The following PRKN variants were observed in gnomAD, a reference collection of about 807,000 sequenced individuals.
PRKN encodes E3 ubiquitin-protein ligase parkin.
A neutral mutation model predicts 59.5 loss-of-function variants in PRKN; 56 were observed. The ratio of observed to expected loss-of-function variants is 0.94; its 90% confidence interval spans 0.76 to 1.18. The LOEUF (loss-of-function observed/expected upper bound fraction) is 1.18, where lower values mean the gene tolerates loss of function less well. PRKN is among the 50% of genes most tolerant of loss of function. PRKN has a pLI of 0.00. For missense variants in PRKN, 657 were observed against 596.4 expected (o/e 1.10, Z -1.06); for synonymous variants, 250 against 222.1 (o/e 1.13, Z -1.12).
intron 6 of PRKN, among the ~76,000 whole-genome samples, chr6:161,868,205 ATT>A (rs1359425615): frequency 6.6e-6 from 1 of 152,064 alleles, no homozygotes; most frequent in East Asian, 1.9e-4. Context: ...CTAGCTACCA[ATT>A]TACTATTGTT....
chr6:162,130,470 T>G (rs998299202), intron 4 of PRKN, among the ~76,000 whole-genome samples: 1 of 152,194 alleles, frequency 6.6e-6, no homozygotes, highest in South Asian at 2.1e-4. Flanking sequence ...GTTAAATCAA[T>G]GTGCATCAGA....
intron 7 of PRKN, among the ~76,000 whole-genome samples, chr6:161,785,523 C>G (rs1247390153): frequency 1.3e-5 from 2 of 152,162 alleles, no homozygotes; most frequent in African/African-American, 2.4e-5. Context: ...TATACCTTGG[C>G]TGAATAATAT....
intron 2 of PRKN, among the ~76,000 whole-genome samples, chr6:162,333,191 T>A (rs560418779): frequency 3.3e-4 from 50 of 152,054 alleles, no homozygotes; most frequent in Non-Finnish European, 5.9e-4. Flanking sequence ...ACTCTCTTTT[T>A]ATAAAAAATA....
chr6:162,403,763 T>C (rs1050990398), intron 2 of PRKN, among the ~76,000 whole-genome samples: 1 of 152,058 alleles, frequency 6.6e-6, no homozygotes, highest in African/African-American at 2.4e-5. Flanking sequence ...GAGTGGGGAG[T>C]GACACAAGTC....
intron 7 of PRKN, among the ~76,000 whole-genome samples, chr6:161,670,104 T>C (rs905690559): frequency 6.6e-5 from 10 of 152,048 alleles, no homozygotes; most frequent in Non-Finnish European, 7.4e-5. Context: ...CATAACTTCT[T>C]TTCTGTTTTG....
rs576027959 is a variant in PRKN at position 161,707,888 on chromosome 6, C to T, written c.871+77884G>A. On this transcript the variant is annotated intron_variant, in intron 7 of 11. Coordinates refer to ENST00000366898, the MANE Select transcript of PRKN (RefSeq NM_004562.3). ...GAATCCAAAAGGACTCTGTTGGTTACTGGCTCTTAACATTTATAGATTAGA... is the reference window on the plus strand; with the variant it reads ...GAATCCAAAAGGACTCTGTTGGTTATTGGCTCTTAACATTTATAGATTAGA... Among the ~76,000 whole-genome samples, 8 of 152,258 alleles carry T rather than the reference C, an allele frequency of 5.3e-5. No individual in the cohort carries two copies. In the South Asian group the frequency reaches 1.7e-3, roughly 32 times the overall value.
chr6:162,470,952 G>A (rs770944126), intron 1 of PRKN, among the ~76,000 whole-genome samples: 3 of 151,678 alleles, frequency 2.0e-5, no homozygotes, highest in African/African-American at 4.8e-5. Context: ...GGGGTGGGGC[G>A]GTTTCACCAT....
At position 161,354,798 on chromosome 6, in the gene PRKN, T is replaced by C. The variant is rs1784688641; in HGVS notation, c.1286-4587A>G. Among the ~76,000 whole-genome samples the C allele has an allele frequency of 6.6e-6, 1 of 152,168 alleles. No homozygotes were observed. The highest frequency in any genetic ancestry group is 2.4e-5 in the African/African-American group (1 of 41,436). On this transcript the variant is annotated intron_variant, in intron 11 of 11. Coordinates refer to ENST00000366898, the MANE Select transcript of PRKN (RefSeq NM_004562.3). The surrounding 1 kb of genome is among the most constrained non-coding windows in gnomAD (Gnocchi z 6.7). ...TAGGCCATCGCTAATAAGCTTCAAGTCTCAGCTTTTCTGTTTGTAAGTTAA... is the reference window on the plus strand; with the variant it reads ...TAGGCCATCGCTAATAAGCTTCAAGCCTCAGCTTTTCTGTTTGTAAGTTAA...
At chr6:162,679,393 T>C (rs1779685429) in intron 1 of PRKN, among the ~76,000 whole-genome samples, 2 of 152,098 alleles carry the variant, frequency 1.3e-5, no homozygotes, top group South Asian at 4.1e-4. Flanking sequence ...TGTGAGCCAA[T>C]GCACACAGCA....
chr6:161,894,563 C>T (rs750959302), intron 6 of PRKN, among the ~76,000 whole-genome samples: 1 of 152,122 alleles, frequency 6.6e-6, no homozygotes, highest in Non-Finnish European at 1.5e-5. Flanking sequence ...ATCTTAAATA[C>T]TTCCTGTTTT....
chr6:162,081,593 C>A (rs1018309270), intron 4 of PRKN, among the ~76,000 whole-genome samples: 5 of 152,008 alleles, frequency 3.3e-5, no homozygotes, highest in Non-Finnish European at 5.9e-5. Context: ...GTCATCTAGG[C>A]TTTGTTGTTC....
chr6:162,120,323 G>A (rs1562525282), intron 4 of PRKN, among the ~76,000 whole-genome samples: 2 of 152,174 alleles, frequency 1.3e-5, no homozygotes, highest in Admixed American at 6.5e-5. Flanking sequence ...TTTATAAAAA[G>A]TATCCCGAGT....
intron 4 of PRKN, among the ~76,000 whole-genome samples, chr6:162,108,999 G>C (rs1187202889): frequency 1.3e-5 from 2 of 152,208 alleles, no homozygotes. Flanking sequence ...CAGTGTGCCA[G>C]GGCAGCAGCT....
intron 2 of PRKN, among the ~76,000 whole-genome samples, chr6:162,370,641 A>C (rs992969326): frequency 6.6e-6 from 1 of 152,248 alleles, no homozygotes; most frequent in African/African-American, 2.4e-5. Flanking sequence ...TGGCAAAGCC[A>C]AAGTGAAATT....
rs6915108 is a variant in PRKN at position 162,289,280 on chromosome 6, C to T, written c.172-26515G>A. Among the ~76,000 whole-genome samples the T allele has an allele frequency of 7.0e-3, 1,062 of 152,192 alleles. 11 individuals are homozygous for T. Among genetic ancestry groups the T allele is most frequent in the African/African-American group, 0.024 (1,001 of 41,536 alleles). ...TGCTTGTCTGTCTCACTTTTTTTCCCCTTTTTCTAAGGACACTTATCATAT... is the reference window on the plus strand; with the variant it reads ...TGCTTGTCTGTCTCACTTTTTTTCCTCTTTTTCTAAGGACACTTATCATAT... On this transcript the variant is annotated intron_variant, in intron 2 of 11. Transcript: ENST00000366898.
rs1385226830 is a variant in PRKN at position 161,566,495 on chromosome 6, C to G, written c.933+2860G>C. ...GATATTGGCTCACTGCAACCTCCGCCTCCCAGGCTCAAGCAATTCTCCTGC... is the reference window on the plus strand; with the variant it reads ...GATATTGGCTCACTGCAACCTCCGCGTCCCAGGCTCAAGCAATTCTCCTGC... On this transcript the variant is annotated intron_variant, in intron 8 of 11. Transcript: ENST00000366898. This position sits in a 1 kb window ranked among gnomAD's most constrained non-coding sequence, Gnocchi z 4.1. 1.3e-5 allele frequency among the ~76,000 whole-genome samples: 2 copies of G among 152,198 alleles called. No homozygotes were observed. Among genetic ancestry groups the G allele is most frequent in the Non-Finnish European group, 2.9e-5 (2 of 68,032 alleles).
chr6:162,217,767 T>C (rs1009052420), intron 3 of PRKN, among the ~76,000 whole-genome samples: 5 of 152,198 alleles, frequency 3.3e-5, no homozygotes, highest in Admixed American at 3.3e-4. Context: ...GCACAATTCC[T>C]ATTAGCGCAA....
rs990420111 is a variant in PRKN at position 161,473,762 on chromosome 6, T to C, written c.1083+75092A>G. Among the ~76,000 whole-genome samples, 1 of 152,178 alleles carries C rather than the reference T, an allele frequency of 6.6e-6. No homozygotes were observed. Among genetic ancestry groups the C allele is most frequent in the African/African-American group, 2.4e-5 (1 of 41,440 alleles). ...AAAAAGTAACCATGAAGATGATAAG[T>C]ATGTTAATTTGCTTGAGTATAGTAA... On this transcript the variant is annotated intron_variant, in intron 9 of 11. Coordinates refer to ENST00000366898, the MANE Select transcript of PRKN (RefSeq NM_004562.3). This position sits in a 1 kb window ranked among gnomAD's most constrained non-coding sequence, Gnocchi z 4.1.
intron 4 of PRKN, among the ~76,000 whole-genome samples, chr6:162,145,871 T>C (rs539458028): frequency 6.6e-6 from 1 of 152,154 alleles, no homozygotes; most frequent in Admixed American, 6.5e-5. Context: ...AGTTACAAAG[T>C]TGCACTTCTA....
Sources: gnomAD v4.1 joint callset for allele counts (sites outside exome capture counted in the v4.1 genomes callset) on GRCh38, gnomAD v4.1.1 for gene constraint, Gnocchi (gnomAD v3.1) non-coding constraint, MANE v1.5 for transcripts, NCBI Gene and HGNC (gene_info 2026-07-23, HGNC 2026-07-21) for gene names.